SDCCAG8: variants seen among roughly 807,000 people sequenced by gnomAD.
The protein encoded by SDCCAG8 is SHH signaling and ciliogenesis regulator SDCCAG8.
SDCCAG8 carries 74 observed loss-of-function variants against 101.8 expected under a neutral mutation model. The ratio of observed to expected loss-of-function variants is 0.73; its 90% CI spans 0.60 to 0.88. The LOEUF (loss-of-function observed/expected upper bound fraction) is 0.88, where lower values mean the gene tolerates loss of function less well. Among genes scored for constraint, SDCCAG8 ranks in the 40% least tolerant of loss-of-function variants. The probability of loss-of-function intolerance (pLI) is 0.00; values close to 1 mark genes in which losing one functional copy is unlikely to be tolerated. For missense variants in SDCCAG8, 787 were observed against 822.6 expected (o/e 0.96, Z 0.53); for synonymous variants, 281 against 292.9 (o/e 0.96, Z 0.41).
At chr1:243,419,014 A>G (rs1049439513) in intron 15 of SDCCAG8, among the ~76,000 whole-genome samples, 2 of 152,140 alleles carry the variant, frequency 1.3e-5, no homozygotes, top group Admixed American at 6.5e-5. Flanking sequence ...TCATTCGGGA[A>G]GGATTTCTGG....
chr1:243,429,508 G>A (rs2081570008), intron 16 of SDCCAG8, among the ~76,000 whole-genome samples: 2 of 151,954 alleles, frequency 1.3e-5, no homozygotes, highest in Admixed American at 1.3e-4. Flanking sequence ...CTATGAAGGA[G>A]AAATATATTT....
chr1:243,395,686 G>A (rs2078992670), intron 13 of SDCCAG8, among the ~76,000 whole-genome samples: 1 of 152,042 alleles, frequency 6.6e-6, no homozygotes, highest in African/African-American at 2.4e-5. Context: ...TTTTGTTTCT[G>A]TTTTTAATTT....
In SDCCAG8 at chr1:243,344,277, G is replaced by C; in HGVS notation, c.1419G>C (p.Lys473Asn). Residue 473 changes from lysine to asparagine, a missense_variant, in exon 12 of 18, where the codon AAG becomes AAC. Lys to Asn is a moderately conservative substitution (Grantham distance 94). Transcript: ENST00000366541. Reference sequence around the variant, plus strand: ...ACATGGAGAAGGATGAGGCAGAAAAGGAGCACAGAGAGTTCAGAGCAAAAA... The same window carrying C: ...ACATGGAGAAGGATGAGGCAGAAAACGAGCACAGAGAGTTCAGAGCAAAAA... Reference protein sequence around the residue: ...KTNMEKDEAEKEHREFRAKTN... With the variant: ...KTNMEKDEAENEHREFRAKTN... 1 of 1,613,920 alleles carries C rather than the reference G, an allele frequency of 6.2e-7. No individual in the cohort carries two copies. The highest frequency in any genetic ancestry group is 8.5e-7 in the Non-Finnish European group (1 of 1,179,942).
chr1:243,435,800 A>G (rs1217346468), intron 16 of SDCCAG8, among the ~76,000 whole-genome samples: 1 of 151,880 alleles, frequency 6.6e-6, no homozygotes, highest in Non-Finnish European at 1.5e-5. Flanking sequence ...GCCCCAAGTA[A>G]AATTTCAAGA....
intron 16 of SDCCAG8, chr1:243,488,440 T>C (rs1022450479): frequency 1.2e-5 from 2 of 162,496 alleles, no homozygotes; most frequent in African/African-American, 4.8e-5. Context: ...CTGCTGGCTG[T>C]AGGAAGCCGA....
chr1:243,492,756 T>C (rs1428764981), intron 17 of SDCCAG8, among the ~76,000 whole-genome samples: 1 of 151,606 alleles, frequency 6.6e-6, no homozygotes. Flanking sequence ...TACAGGTGCC[T>C]GCCACCACGC....
intron 16 of SDCCAG8, among the ~76,000 whole-genome samples, chr1:243,475,025 T>C (rs951206630): frequency 6.6e-6 from 1 of 152,128 alleles, no homozygotes; most frequent in African/African-American, 2.4e-5. Flanking sequence ...ATCCTGCCAA[T>C]GCACCTCTGT....
chr1:243,374,618 A>G (rs2077486157), intron 12 of SDCCAG8, among the ~76,000 whole-genome samples: 1 of 152,238 alleles, frequency 6.6e-6, no homozygotes, highest in Middle Eastern at 3.4e-3. Flanking sequence ...GTACACATAC[A>G]ATAATAGCAT....
At position 243,474,953 on chromosome 1, in the gene SDCCAG8, G is replaced by A. The variant is rs1662102690; in HGVS notation, c.1986-14061G>A. On this transcript the variant is annotated intron_variant, in intron 16 of 17. Transcript: ENST00000366541. The surrounding 1 kb of genome is among the most constrained non-coding windows in gnomAD (Gnocchi z 4.7). ...TTTCTGAAGCAGAAAATTATCTCTA[G>A]GGATGACTTAGTAATAGGGTACCCC... Among the ~76,000 whole-genome samples, 1 of 152,216 alleles carries A rather than the reference G, an allele frequency of 6.6e-6. No homozygotes were observed. The highest frequency in any genetic ancestry group is 1.5e-5 in the Non-Finnish European group (1 of 68,038).
In SDCCAG8 at chr1:243,361,543, A is replaced by C. The variant is rs147865525; in HGVS notation, c.1474-17178A>C. 1.6e-3 allele frequency among the ~76,000 whole-genome samples: 238 copies of C among 152,342 alleles called. 2 individuals are homozygous for C. Among genetic ancestry groups the C allele is most frequent in the African/African-American group, 5.6e-3 (233 of 41,578 alleles). ...GAGTCCAAACTCCTTTCTACAGTTT[A>C]TAAGGCCCTGCATAATCTCCCCACT... On this transcript the variant is annotated intron_variant, in intron 12 of 17. Transcript: ENST00000366541.
intron 16 of SDCCAG8, among the ~76,000 whole-genome samples, chr1:243,485,795 G>C (rs368758929): frequency 1.3e-5 from 2 of 151,860 alleles, no homozygotes; most frequent in East Asian, 1.9e-4. Context: ...TCCCAGCTAC[G>C]GCAGGAGAAT....
At chr1:243,469,971 C>G (rs1401212272) in intron 16 of SDCCAG8, among the ~76,000 whole-genome samples, 4 of 150,364 alleles carry the variant, frequency 2.7e-5, no homozygotes, top group Non-Finnish European at 5.9e-5. Flanking sequence ...AAATATGTAA[C>G]TCCCCTTTCC....
chr1:243,277,248 C>T (rs775648692), intron 4 of SDCCAG8, among the ~76,000 whole-genome samples: 14 of 152,136 alleles, frequency 9.2e-5, no homozygotes, highest in South Asian at 4.1e-4. Flanking sequence ...GTGGTTGTAC[C>T]GTTATGCATT....
chr1:243,294,055 T>C (rs2070543143), intron 6 of SDCCAG8, among the ~76,000 whole-genome samples: 2 of 152,208 alleles, frequency 1.3e-5, no homozygotes, highest in African/African-American at 4.8e-5. Flanking sequence ...GTCTCTTGGC[T>C]CTTTGAGTGT....
chr1:243,447,112 C>A (rs2082966483), intron 16 of SDCCAG8, among the ~76,000 whole-genome samples: 1 of 151,834 alleles, frequency 6.6e-6, no homozygotes, highest in Non-Finnish European at 1.5e-5. Context: ...ATTAGCCAGG[C>A]ACAGTGGCCG....
chr1:243,386,779 G>C (rs1368969607), intron 13 of SDCCAG8, among the ~76,000 whole-genome samples: 1 of 151,872 alleles, frequency 6.6e-6, no homozygotes, highest in African/African-American at 2.4e-5. Context: ...GAGAGAGAGA[G>C]AGAGAGAGAG....
At chr1:243,274,291 C>T (rs528914025) in intron 3 of SDCCAG8, among the ~76,000 whole-genome samples, 7 of 152,258 alleles carry the variant, frequency 4.6e-5, no homozygotes, top group East Asian at 3.8e-4. Context: ...TCATCATGAC[C>T]GAAACACCTC....
At chr1:243,490,139 C>A (rs1477346692) in intron 17 of SDCCAG8, among the ~76,000 whole-genome samples, 1 of 152,246 alleles carries the variant, frequency 6.6e-6, no homozygotes, top group African/African-American at 2.4e-5. Flanking sequence ...ATTCTCCTCA[C>A]AAAATGACCC....
At chr1:243,297,395 C>A (rs1464646585) in intron 6 of SDCCAG8, among the ~76,000 whole-genome samples, 1 of 152,180 alleles carries the variant, frequency 6.6e-6, no homozygotes, top group Non-Finnish European at 1.5e-5. Context: ...AACATTCTTT[C>A]ATCTGTTGGT....
Sources: gnomAD v4.1 joint callset for allele counts (sites outside exome capture counted in the v4.1 genomes callset) on GRCh38, gnomAD v4.1.1 for gene constraint, Gnocchi (gnomAD v3.1) non-coding constraint, MANE v1.5 for transcripts, NCBI Gene and HGNC (gene_info 2026-07-23, HGNC 2026-07-21) for gene names.